DLGAP2: variants seen among roughly 807,000 people sequenced by gnomAD.
DLGAP2 encodes the protein DLG associated protein 2.
A neutral mutation model predicts 100.3 loss-of-function variants in DLGAP2; 26 were observed. The observed-to-expected ratio is 0.26, with a 90% confidence interval of 0.19 to 0.36. The LOEUF is 0.36. Ranked by LOEUF, DLGAP2 falls within the 10% of genes least tolerant of loss-of-function variation. The pLI is 1.00. For missense variants in DLGAP2, 1,858 were observed against 1,453.2 expected, an observed-to-expected ratio of 1.28 and a Z score of -4.53; for synonymous variants, 886 against 630.1, an observed-to-expected ratio of 1.41 and a Z score of -6.08.
chr8:1,176,975 C>T (rs1042089526), intron 2 of DLGAP2, among the ~76,000 whole-genome samples: 1 of 152,204 alleles, frequency 6.6e-6, no homozygotes, highest in Non-Finnish European at 1.5e-5. Flanking sequence ...ACGGTTCACA[C>T]AAGCGGTGGC....
chr8:932,683 T>A (rs1292048305), intron 2 of DLGAP2, among the ~76,000 whole-genome samples: 3 of 152,174 alleles, frequency 2.0e-5, no homozygotes, highest in African/African-American at 7.2e-5. Context: ...TGAAAAAAAT[T>A]ACATGAAAGA....
At chr8:1,431,320 T>C (rs751643778) in intron 3 of DLGAP2, among the ~76,000 whole-genome samples, 1 of 152,178 alleles carries the variant, frequency 6.6e-6, no homozygotes, top group Non-Finnish European at 1.5e-5. Context: ...ATTTAATGTT[T>C]AGTAATAGAG....
At chr8:1,029,167 C>G (rs984506227) in intron 2 of DLGAP2, among the ~76,000 whole-genome samples, 1 of 152,118 alleles carries the variant, frequency 6.6e-6, no homozygotes, top group African/African-American at 2.4e-5. Context: ...GATCTTGAGT[C>G]TAGCAGGCAG....
At chr8:1,208,746 T>C (rs1798046004) in intron 2 of DLGAP2, among the ~76,000 whole-genome samples, 1 of 152,062 alleles carries the variant, frequency 6.6e-6, no homozygotes, top group South Asian at 2.1e-4. Context: ...GATAAATGAA[T>C]TCAGTAAAGT....
intron 3 of DLGAP2, among the ~76,000 whole-genome samples, chr8:1,316,804 C>G (rs1471344993): frequency 6.9e-6 from 1 of 144,900 alleles, no homozygotes; most frequent in Non-Finnish European, 1.5e-5. Context: ...ACTCGAGAAA[C>G]TCGGTAGCGT....
intron 1 of DLGAP2, among the ~76,000 whole-genome samples, chr8:762,850 G>A (rs1231173434): frequency 6.6e-6 from 1 of 151,964 alleles, no homozygotes; most frequent in African/African-American, 2.4e-5. Context: ...GCTAGCTTTT[G>A]AATTTTTTGT....
intron 3 of DLGAP2, among the ~76,000 whole-genome samples, chr8:1,370,462 T>G (rs943020108): frequency 6.6e-6 from 1 of 152,238 alleles, no homozygotes; most frequent in African/African-American, 2.4e-5. Flanking sequence ...TAAAATAGGT[T>G]GGGGCATTCC....
chr8:1,532,088 G>A (rs1317562669), intron 4 of DLGAP2, among the ~76,000 whole-genome samples: 2 of 152,206 alleles, frequency 1.3e-5, no homozygotes, highest in Non-Finnish European at 2.9e-5. Context: ...TAAGCCCTTT[G>A]AAGGAGACAG....
At position 1,658,019 on chromosome 8, in the gene DLGAP2, T is replaced by C. The variant is rs532344052; in HGVS notation, c.1811-10310T>C. 4.6e-5 allele frequency among the ~76,000 whole-genome samples: 7 copies of C among 152,176 alleles called. No homozygotes were observed. In the South Asian group the frequency reaches 1.4e-3, roughly 32 times the overall value. On this transcript the variant is annotated intron_variant, in intron 8 of 14. Transcript: ENST00000637795. ...GTCTCCCGTTTGCAGCAGAATGCAA[T>C]CGGTTCTGTACAGAGGCTTGAGGAG...
chr8:1,377,315 C>T (rs1444448932), intron 3 of DLGAP2, among the ~76,000 whole-genome samples: 1 of 152,140 alleles, frequency 6.6e-6, no homozygotes, highest in Non-Finnish European at 1.5e-5. Context: ...GAGGCCGAGG[C>T]GGGCGAATCA....
chr8:1,436,469 C>T (rs1218970794), intron 3 of DLGAP2, among the ~76,000 whole-genome samples: 1 of 152,150 alleles, frequency 6.6e-6, no homozygotes, highest in Non-Finnish European at 1.5e-5. Flanking sequence ...GGTGGGTCTG[C>T]CTCTCCCAGC....
At chr8:1,025,542 T>C (rs1801772888) in intron 2 of DLGAP2, among the ~76,000 whole-genome samples, 2 of 152,190 alleles carry the variant, frequency 1.3e-5, no homozygotes, top group Admixed American at 6.5e-5. Context: ...ATGTCTTTTT[T>C]GGTTTTAAGT....
At chr8:1,242,690 G>C (rs1246076191) in intron 2 of DLGAP2, among the ~76,000 whole-genome samples, 1 of 152,160 alleles carries the variant, frequency 6.6e-6, no homozygotes, top group East Asian at 1.9e-4. Context: ...TTAATGGTAA[G>C]GGACCCACAG....
intron 2 of DLGAP2, among the ~76,000 whole-genome samples, chr8:937,155 C>T (rs138058674): frequency 6.6e-5 from 10 of 152,294 alleles, no homozygotes; most frequent in East Asian, 1.9e-4. Context: ...CTCCCTCGCT[C>T]GCCTGACGAG....
intron 1 of DLGAP2, among the ~76,000 whole-genome samples, chr8:867,444 G>A (rs1175116899): frequency 6.6e-6 from 1 of 152,186 alleles, no homozygotes; most frequent in Non-Finnish European, 1.5e-5. Flanking sequence ...GTTCTAACAG[G>A]CGCTAATCCT....
chr8:1,240,458 G>A (rs1315839619), intron 2 of DLGAP2, among the ~76,000 whole-genome samples: 3 of 142,968 alleles, frequency 2.1e-5, no homozygotes, highest in Non-Finnish European at 3.0e-5. Context: ...GCCATGTCTA[G>A]TTCTCTCACA....
In DLGAP2 at chr8:1,568,205, C is replaced by G. The variant is rs544091232; in HGVS notation, c.1442+2311C>G. On this transcript the variant is annotated intron_variant, in intron 6 of 14. Coordinates refer to ENST00000637795, the MANE Select transcript of DLGAP2 (RefSeq NM_001346810.2). ...CACAAATCTGTCTCTGCCTGTGGCCCCCATGCCACTGTCCACTCAGTAGAC... is the reference window on the plus strand; with the variant it reads ...CACAAATCTGTCTCTGCCTGTGGCCGCCATGCCACTGTCCACTCAGTAGAC... Among the ~76,000 whole-genome samples, 393 of 146,222 alleles carry G rather than the reference C, an allele frequency of 2.7e-3. 4 individuals are homozygous for G. Among genetic ancestry groups the G allele is most frequent in the Admixed American group, 6.9e-3 (101 of 14,662 alleles).
chr8:1,362,720 T>G (rs945948996), intron 3 of DLGAP2, among the ~76,000 whole-genome samples: 8 of 152,256 alleles, frequency 5.3e-5, no homozygotes, highest in Admixed American at 5.2e-4. Context: ...ATTTGCTTTT[T>G]AATTCAAGAG....
intron 1 of DLGAP2, among the ~76,000 whole-genome samples, chr8:839,056 G>T (rs1025926859): frequency 5.9e-5 from 9 of 152,188 alleles, no homozygotes; most frequent in Non-Finnish European, 1.3e-4. Flanking sequence ...CACCTGTTAG[G>T]ATGGCTGTTA....
Sources: gnomAD v4.1 joint callset for allele counts (sites outside exome capture counted in the v4.1 genomes callset) on GRCh38, gnomAD v4.1.1 for gene constraint, MANE v1.5 for transcripts, NCBI Gene and HGNC (gene_info 2026-07-23, HGNC 2026-07-21) for gene names.